The following EPB41L3 variants were observed in gnomAD, a reference collection of about 807,000 sequenced individuals.
EPB41L3 encodes the protein erythrocyte membrane protein band 4.1 like 3.
In EPB41L3, 57 loss-of-function variants were observed where a neutral mutation model predicts 127.1. The observed-to-expected ratio is 0.45, with a 90% confidence interval of 0.36 to 0.56. The LOEUF (loss-of-function observed/expected upper bound fraction) is 0.56, where lower values mean the gene tolerates loss of function less well. EPB41L3 is among the 20% of genes least tolerant of loss of function. EPB41L3 has a pLI of 0.00. For missense variants in EPB41L3, 1,273 were observed against 1,372.2 expected (o/e 0.93, Z 1.14); for synonymous variants, 572 against 549.5 (o/e 1.04, Z -0.57).
At chr18:5,544,051 C>T, upstream of EPB41L3, 2 of 985,582 alleles carry the variant, frequency 2.0e-6, no homozygotes, top group Non-Finnish European at 2.4e-6. Context: ...TCCCCCCGCC[C>T]CCTGTTGCAG....
In EPB41L3 at chr18:5,415,872, C is replaced by T. The variant is rs375430348; in HGVS notation, c.2013G>A (p.Ala671=). The change falls in exon 13 of 23, where the codon GCG becomes GCA. Residue 671 remains alanine (A), a synonymous_variant. Transcript: ENST00000341928. Reference sequence around the variant, plus strand: ...TGTCTAGGGAGGCGCTCAAGGAGGCCGCCTTGGGCTCCAGGTAGCAGAGGC... The same window carrying T: ...TGTCTAGGGAGGCGCTCAAGGAGGCTGCCTTGGGCTCCAGGTAGCAGAGGC... The part of the protein sequence containing the change: ...ALCLCYLEPK[A]ASLSASLDND... The T allele has an allele frequency of 2.4e-5, 38 of 1,613,480 alleles. No individual in the cohort carries two copies. The highest frequency in any genetic ancestry group is 2.9e-5 in the Non-Finnish European group (34 of 1,179,912).
chr18:5,521,192 T>A (rs1048436062), intron 1 of EPB41L3: 4 of 152,236 alleles, frequency 2.6e-5, no homozygotes, highest in Non-Finnish European at 5.9e-5. Context: ...ATGACAATGA[T>A]TTGCTTTGTA....
chr18:5,564,113 C>A (rs1347924606), intron 3 of EPB41L3, among the ~76,000 whole-genome samples: 1 of 152,134 alleles, frequency 6.6e-6, no homozygotes, highest in Non-Finnish European at 1.5e-5. Context: ...AATGTAGTCA[C>A]AAGCGGCCTC....
intron 1 of EPB41L3, among the ~76,000 whole-genome samples, chr18:5,491,504 G>A (rs913070192): frequency 1.3e-5 from 2 of 152,180 alleles, no homozygotes; most frequent in African/African-American, 4.8e-5. Flanking sequence ...CAGTACACAA[G>A]CTAAATAAAA....
rs115923813 is a variant in EPB41L3, at chr18:5,519,901, C to T, written c.-12+24012G>A. 2.7e-3 allele frequency among the ~76,000 whole-genome samples: 418 copies of T among 152,296 alleles called. 2 individuals are homozygous for T. Among genetic ancestry groups the T allele is most frequent in the African/African-American group, 9.8e-3 (407 of 41,558 alleles). The stretch of plus-strand genomic sequence containing the variant: ...CTAGAATGACGAATATCCTTATCTG[C>T]ACAGCACTGTACAAATGTTGGCTAG... On this transcript the variant is annotated intron_variant, in intron 1 of 22. Transcript: ENST00000341928.
In EPB41L3 at chr18:5,543,931, CCGGGCGCGCCGCGGCGTGGGGACTAGGCT is replaced by C. The variant is rs2093826817; in HGVS notation, c.-59_-31del. The C allele has an allele frequency of 3.0e-6, 3 of 984,168 alleles. No individual in the cohort carries two copies. The highest frequency in any genetic ancestry group is 3.6e-6 in the Non-Finnish European group (3 of 829,644). 61.0% of individuals were successfully genotyped at this position (984,168 alleles called of 1,614,324 possible). ...AAGTTACCTGGGATCAGCAGGGAGCCCGGGCGCGCCGCGGCGTGGGGACTAGGCTCGGGCGCGCGTCCTCGGCGGCGGTG... is the reference window on the plus strand; with the variant it reads ...AAGTTACCTGGGATCAGCAGGGAGCCCGGGCGCGCGTCCTCGGCGGCGGTG... On this transcript the variant is annotated 5_prime_UTR_variant, in exon 1 of 23. Coordinates refer to ENST00000341928, the MANE Select transcript of EPB41L3 (RefSeq NM_012307.5). The surrounding 1 kb of genome is among the most constrained non-coding windows in gnomAD (Gnocchi z 5.2).
intron 1 of EPB41L3, among the ~76,000 whole-genome samples, chr18:5,623,954 TA>T (rs916552384): frequency 5.9e-4 from 89 of 151,132 alleles, no homozygotes; most frequent in Non-Finnish European, 7.2e-4. Flanking sequence ...TCATTTTTAA[TA>T]AAAAAAAATG....
intron 3 of EPB41L3, among the ~76,000 whole-genome samples, chr18:5,468,769 A>G (rs1426567842): frequency 6.6e-6 from 1 of 152,172 alleles, no homozygotes; most frequent in Non-Finnish European, 1.5e-5. Context: ...AAAAACAATT[A>G]GCCAGGCGTG....
chr18:5,571,087 C>G (rs1199242763), intron 3 of EPB41L3: 1 of 152,160 alleles, frequency 6.6e-6, no homozygotes, highest in African/African-American at 2.4e-5. Flanking sequence ...ATTACACTAG[C>G]ATACTTTGAA....
upstream of EPB41L3, chr18:5,630,368 G>A (rs772931113): frequency 3.9e-6 from 2 of 518,314 alleles, no homozygotes; most frequent in East Asian, 1.1e-4. Context: ...AGAAGAGAAA[G>A]GCGCTCACCT....
intron 3 of EPB41L3, among the ~76,000 whole-genome samples, chr18:5,590,144 G>A (rs567750556): frequency 6.6e-6 from 1 of 152,238 alleles, no homozygotes; most frequent in East Asian, 1.9e-4. Context: ...AGCGGCCTCT[G>A]ATCCTGTTCA....
intron 16 of EPB41L3, among the ~76,000 whole-genome samples, chr18:5,405,999 G>A (rs1343617033): frequency 6.6e-6 from 1 of 152,192 alleles, no homozygotes; most frequent in Non-Finnish European, 1.5e-5. Context: ...GCCAAGGTGG[G>A]TGGATCACTT....
At chr18:5,544,795 A>T (rs1315913504), upstream of EPB41L3, among the ~76,000 whole-genome samples, 1 of 152,222 alleles carries the variant, frequency 6.6e-6, no homozygotes, top group Non-Finnish European at 1.5e-5. Context: ...ATAAAGTATA[A>T]TTGAATTGTA....
At chr18:5,399,654 A>G (rs2074166593) in intron 16 of EPB41L3, 2 of 299,150 alleles carry the variant, frequency 6.7e-6, no homozygotes, top group Non-Finnish European at 1.2e-5. Context: ...TGAAGAACAG[A>G]TTTGCTCTTA....
At chr18:5,565,268 C>T (rs963127364) in intron 3 of EPB41L3, among the ~76,000 whole-genome samples, 9 of 151,716 alleles carry the variant, frequency 5.9e-5, no homozygotes, top group Admixed American at 3.3e-4. Context: ...AAAACTTAGC[C>T]GGGCATGGCA....
intron 1 of EPB41L3, among the ~76,000 whole-genome samples, chr18:5,505,592 CTACTCTCCACACCTTCACCTCCACCTCTA>C: frequency 6.7e-6 from 1 of 149,096 alleles, no homozygotes; most frequent in African/African-American, 2.5e-5. Flanking sequence ...ACCTCCACCC[CTACTCTCCACACCTTCACCTCCACCTCTA>C]TGGTCCACAC....
At chr18:5,529,928 A>ATGTGTGTGTGTGTGTGTGTGTG (rs10611279) in intron 1 of EPB41L3, among the ~76,000 whole-genome samples, 26 of 146,882 alleles carry the variant, frequency 1.8e-4, no homozygotes, top group Middle Eastern at 3.5e-3. Context: ...CAACTCATAT[A>ATGTGTGTGTGTGTGTGTGTGTG]TGTGTGTGTG....
At chr18:5,443,971 C>A (rs564913577) in intron 4 of EPB41L3, 91 bp from the exon 5 acceptor site, 1 of 1,099,440 alleles carries the variant, frequency 9.1e-7, no homozygotes, top group East Asian at 2.5e-5. Context: ...AAATGCAGTG[C>A]GGAGTTAGTG....
intron 5 of EPB41L3, among the ~76,000 whole-genome samples, chr18:5,441,388 T>C (rs1468780880): frequency 6.6e-6 from 1 of 152,122 alleles, no homozygotes; most frequent in Non-Finnish European, 1.5e-5. Flanking sequence ...TGGTTGAATG[T>C]AAAATTTTGT....
Sources: allele counts gnomAD v4.1 joint callset (sites outside exome capture counted in the v4.1 genomes callset), GRCh38; gene constraint gnomAD v4.1.1; non-coding constraint Gnocchi (gnomAD v3.1); transcripts MANE v1.5; gene names NCBI Gene and HGNC (gene_info 2026-07-23, HGNC 2026-07-21).